The following PRKCB variants were observed in gnomAD, a reference collection of about 807,000 sequenced individuals.
The protein encoded by PRKCB is protein kinase C beta type.
A neutral mutation model predicts 81.5 loss-of-function variants in PRKCB; 13 were observed. The ratio of observed to expected loss-of-function variants is 0.16; its 90% confidence interval spans 0.10 to 0.25. The LOEUF is 0.25. Ranked by LOEUF, PRKCB falls within the 10% of genes least tolerant of loss-of-function variation. PRKCB has a pLI of 1.00. For missense variants in PRKCB, 509 were observed against 875.7 expected, an observed-to-expected ratio of 0.58 and a Z score of 5.29; for synonymous variants, 335 against 321.4, an observed-to-expected ratio of 1.04 and a Z score of -0.45.
At chr16:24,070,337 C>A (rs1160819574) in intron 5 of PRKCB, among the ~76,000 whole-genome samples, 2 of 151,558 alleles carry the variant, frequency 1.3e-5, no homozygotes, top group Non-Finnish European at 2.9e-5. Flanking sequence ...TCAGTAGCGA[C>A]GGATTTTTGC....
At chr16:24,035,668 G>T (rs984323445) in intron 5 of PRKCB, 121 bp downstream of exon 5, 6 of 1,087,564 alleles carry the variant, frequency 5.5e-6, no homozygotes, top group Non-Finnish European at 7.8e-6. Flanking sequence ...GGGACGGGGA[G>T]GGGGTGTGGC....
At chr16:24,204,965 C>T (rs1453080432) in intron 16 of PRKCB, among the ~76,000 whole-genome samples, 4 of 151,632 alleles carry the variant, frequency 2.6e-5, no homozygotes, top group African/African-American at 9.7e-5. Flanking sequence ...ACTAAAAATA[C>T]AAAAATTAGC....
At chr16:24,089,789 T>TCTCTCACA (rs71381638) in intron 5 of PRKCB, among the ~76,000 whole-genome samples, 2,413 of 149,934 alleles carry the variant, frequency 0.016, 68 homozygotes, top group African/African-American at 0.055. Flanking sequence ...TCTCTCTCTC[T>TCTCTCACA]CACACACACA....
chr16:24,086,953 A>G (rs968002843), intron 5 of PRKCB, among the ~76,000 whole-genome samples: 1 of 152,214 alleles, frequency 6.6e-6, no homozygotes, highest in Non-Finnish European at 1.5e-5. Flanking sequence ...CAATAACAGT[A>G]AAAGAAATTT....
chr16:23,859,232 T>C (rs2141088816), intron 2 of PRKCB, among the ~76,000 whole-genome samples: 1 of 152,258 alleles, frequency 6.6e-6, no homozygotes, highest in East Asian at 1.9e-4. Flanking sequence ...CTCCTAGGCT[T>C]GAAGGTCCAG....
At chr16:24,012,706 G>A (rs8063762) in intron 3 of PRKCB, among the ~76,000 whole-genome samples, 16,339 of 152,244 alleles carry the variant, frequency 0.11, 1,820 homozygotes, top group African/African-American at 0.29. Flanking sequence ...TTGTTCTGTT[G>A]TGTCAGCGTA....
chr16:24,010,557 A>C (rs1393463228), intron 3 of PRKCB, among the ~76,000 whole-genome samples: 2 of 152,076 alleles, frequency 1.3e-5, no homozygotes, highest in Non-Finnish European at 2.9e-5. Context: ...CAAGGCAGGG[A>C]GCTTTAAAAG....
chr16:24,179,686 A>C, intron 12 of PRKCB, among the ~76,000 whole-genome samples: 1 of 152,340 alleles, frequency 6.6e-6, no homozygotes, highest in East Asian at 1.9e-4. Flanking sequence ...TTTAGGTTAG[A>C]GCTCAGATGT....
chr16:23,836,944 A>C (rs958537730), intron 1 of PRKCB, among the ~76,000 whole-genome samples: 1 of 150,742 alleles, frequency 6.6e-6, no homozygotes, highest in Middle Eastern at 3.4e-3. Context: ...TTTCTTCCCC[A>C]GTCCCTCCAG....
chr16:23,923,817 A>G (rs2141748462), intron 2 of PRKCB, among the ~76,000 whole-genome samples: 1 of 152,186 alleles, frequency 6.6e-6, no homozygotes, highest in African/African-American at 2.4e-5. Context: ...ACGGGTGAAC[A>G]TGTAAGGGAA....
chr16:24,028,860 G>A (rs979372989), intron 3 of PRKCB, among the ~76,000 whole-genome samples: 8 of 151,902 alleles, frequency 5.3e-5, no homozygotes, highest in South Asian at 2.1e-4. Context: ...GCACGATCTC[G>A]GCTCACTGCA....
intron 2 of PRKCB, among the ~76,000 whole-genome samples, chr16:23,913,496 C>T (rs886708691): frequency 1.3e-5 from 2 of 152,178 alleles, no homozygotes; most frequent in African/African-American, 4.8e-5. Flanking sequence ...ACCTGGAGCT[C>T]TGAACTTCAG....
chr16:24,219,980 C>T lies in PRKCB; in HGVS notation c.*5164C>T, dbSNP rs1968297253. On this transcript the variant is annotated 3_prime_UTR_variant, in exon 17 of 17. Transcript: ENST00000643927. ...TGGCAGAGAGACAAGAGAGACACCT[C>T]CAACTTCGACAAAGAGTTCACCAGA... 4.3e-6 allele frequency: 7 copies of T among 1,613,954 alleles called. No homozygotes were observed. In the South Asian group the frequency reaches 5.5e-5, roughly 13 times the overall value.
chr16:24,029,474 C>G (rs1965523909), intron 3 of PRKCB, among the ~76,000 whole-genome samples: 1 of 152,208 alleles, frequency 6.6e-6, no homozygotes, highest in African/African-American at 2.4e-5. Context: ...TCGCCTTCCA[C>G]TACGATTTTA....
At chr16:23,843,220 A>T (rs1567286837) in intron 2 of PRKCB, among the ~76,000 whole-genome samples, 1 of 152,246 alleles carries the variant, frequency 6.6e-6, no homozygotes, top group East Asian at 1.9e-4. Flanking sequence ...TTCTTAGTAA[A>T]ATCATAAAGA....
At chr16:23,930,478 A>G (rs760640813) in intron 2 of PRKCB, among the ~76,000 whole-genome samples, 8 of 152,066 alleles carry the variant, frequency 5.3e-5, no homozygotes, top group Non-Finnish European at 1.0e-4. Context: ...CTGAGGTGGG[A>G]GAACTACTTG....
At chr16:24,086,653 T>C (rs1966314321) in intron 5 of PRKCB, among the ~76,000 whole-genome samples, 1 of 152,232 alleles carries the variant, frequency 6.6e-6, no homozygotes, top group African/African-American at 2.4e-5. Flanking sequence ...TAAATTGTTT[T>C]AATAACACAA....
At chr16:24,032,316 G>T (rs1298052014) in intron 4 of PRKCB, 69 bp downstream of exon 4, 101 of 1,171,948 alleles carry the variant, frequency 8.6e-5, no homozygotes, top group Non-Finnish European at 2.5e-6. Flanking sequence ...CTTCCACTTG[G>T]TTTGGGGTCC....
chr16:24,086,811 G>C (rs916483578), intron 5 of PRKCB, among the ~76,000 whole-genome samples: 3 of 152,100 alleles, frequency 2.0e-5, no homozygotes, highest in African/African-American at 7.2e-5. Flanking sequence ...TATCTTTTCA[G>C]ACTCTTTTCT....
Sources: allele counts gnomAD v4.1 joint callset (sites outside exome capture counted in the v4.1 genomes callset), GRCh38; gene constraint gnomAD v4.1.1; transcripts MANE v1.5; gene names NCBI Gene and HGNC (gene_info 2026-07-23, HGNC 2026-07-21).